Variants in OSBPL10 observed in about 807,000 individuals in gnomAD.
OSBPL10 encodes oxysterol-binding protein-related protein 10.
OSBPL10 carries 49 observed loss-of-function variants against 81.7 expected under a neutral mutation model. The observed-to-expected ratio is 0.60, with a 90% CI of 0.48 to 0.76. The LOEUF is 0.76. Among genes scored for constraint, OSBPL10 ranks in the 30% least tolerant of loss-of-function variants. The pLI is 0.00. For synonymous variants in OSBPL10, 419 were observed against 383.6 expected (o/e 1.09, Z -1.08); for missense variants, 923 against 987.8 (o/e 0.93, Z 0.88).
At chr3:31,982,389 T>C (rs1040850112), upstream of OSBPL10, among the ~76,000 whole-genome samples, 1 of 152,098 alleles carries the variant, frequency 6.6e-6, no homozygotes, top group Non-Finnish European at 1.5e-5. Flanking sequence ...CAAAAGGTGA[T>C]AGATGATAGG....
intron 2 of OSBPL10, among the ~76,000 whole-genome samples, chr3:32,021,642 A>G (rs1358248588): frequency 6.6e-6 from 1 of 152,126 alleles, no homozygotes; most frequent in African/African-American, 2.4e-5. Flanking sequence ...CTTTAGTGAA[A>G]TATCTCTTCA....
Position 31,830,145 on chromosome 3 carries a change from G to A in OSBPL10, c.624C>T (p.Leu208=). The A allele has an allele frequency of 6.2e-7, 1 of 1,614,178 alleles. No homozygotes were observed. Among genetic ancestry groups the A allele is most frequent in the South Asian group, 1.1e-5 (1 of 91,078 alleles). Residue 208 remains leucine, a synonymous_variant, in exon 4 of 12, where the codon CTC becomes CTT. Coordinates refer to ENST00000396556, the MANE Select transcript of OSBPL10 (RefSeq NM_017784.5). Reference sequence around the variant, plus strand: ...TGACAACACCGGGGGCCCCCACACTGAGGTGTCTCTGGCTACAGGGAGACG... The same window carrying A: ...TGACAACACCGGGGGCCCCCACACTAAGGTGTCTCTGGCTACAGGGAGACG... ...NSASPCSQRH[L]SVGAPGVVTI...
intron 1 of OSBPL10, among the ~76,000 whole-genome samples, chr3:31,943,640 A>G (rs1304268221): frequency 2.0e-5 from 3 of 152,152 alleles, no homozygotes; most frequent in African/African-American, 7.2e-5. Flanking sequence ...TCCACTTATC[A>G]TTGTATCAAG....
At chr3:32,074,697 T>C (rs184765025) in intron 1 of OSBPL10, among the ~76,000 whole-genome samples, 158 of 152,308 alleles carry the variant, frequency 1.0e-3, no homozygotes, top group Admixed American at 2.0e-3. Context: ...CTTTCTCATA[T>C]ACCATGAAAA....
At chr3:31,743,669 A>G (rs1307386086) in intron 5 of OSBPL10, among the ~76,000 whole-genome samples, 1 of 140,276 alleles carries the variant, frequency 7.1e-6, no homozygotes, top group Non-Finnish European at 1.6e-5. Context: ...GAAGGAAAAA[A>G]AAACAGTGCA....
At chr3:31,912,627 T>C (rs541015609) in intron 1 of OSBPL10, among the ~76,000 whole-genome samples, 2 of 152,296 alleles carry the variant, frequency 1.3e-5, no homozygotes, top group South Asian at 4.2e-4. Flanking sequence ...CTTGAAGTAT[T>C]TTGAGCATGT....
rs74694138 is a variant in OSBPL10 at position 31,759,777 on chromosome 3, T to C, written c.730-11657A>G. Among the ~76,000 whole-genome samples, 341 of 152,222 alleles carry C rather than the reference T, an allele frequency of 2.2e-3. 2 individuals carry two copies. The highest frequency in any genetic ancestry group is 5.8e-3 in the African/African-American group (242 of 41,534). On this transcript the variant is annotated intron_variant, in intron 4 of 11. Transcript: ENST00000396556. The stretch of plus-strand genomic sequence containing the variant: ...TTTGTTTTTTATTTACTTTTTTTTT[T>C]CCCCAAGAGTCTCACTCTGTCACCC...
intron 4 of OSBPL10, among the ~76,000 whole-genome samples, chr3:31,792,360 T>C (rs1260002428): frequency 2.0e-5 from 3 of 151,724 alleles, no homozygotes; most frequent in South Asian, 2.1e-4. Flanking sequence ...AATTATCGAG[T>C]TGTAAAAAAG....
intron 4 of OSBPL10, among the ~76,000 whole-genome samples, chr3:31,780,324 T>C (rs145790627): frequency 6.6e-6 from 1 of 152,056 alleles, no homozygotes; most frequent in Non-Finnish European, 1.5e-5. Flanking sequence ...ACACAATTTA[T>C]CAAAACTTCT....
intron 2 of OSBPL10, among the ~76,000 whole-genome samples, chr3:32,016,791 T>G (rs1200605731): frequency 6.6e-6 from 1 of 152,122 alleles, no homozygotes; most frequent in Non-Finnish European, 1.5e-5. Context: ...CCAGAGAGTT[T>G]GGAGTGATCT....
intron 1 of OSBPL10, among the ~76,000 whole-genome samples, chr3:31,923,759 C>A (rs1440455953): frequency 1.3e-5 from 2 of 152,094 alleles, no homozygotes; most frequent in African/African-American, 4.8e-5. Context: ...TGCACTCCAG[C>A]CTCAATGACA....
At chr3:32,007,602 T>C (rs1053612246) in intron 2 of OSBPL10, among the ~76,000 whole-genome samples, 2 of 152,278 alleles carry the variant, frequency 1.3e-5, no homozygotes, top group African/African-American at 2.4e-5. Context: ...TTTCTGTATA[T>C]GTCAAAGTTC....
At chr3:31,926,288 T>TTCCC (rs1034706033) in intron 1 of OSBPL10, among the ~76,000 whole-genome samples, 1 of 88,146 alleles carries the variant, frequency 1.1e-5, no homozygotes, top group African/African-American at 4.9e-5. Context: ...TGGGTGATTT[T>TTCCC]GCCCCCCCAG....
chr3:31,852,288 G>A (rs570802070), intron 3 of OSBPL10, among the ~76,000 whole-genome samples: 3 of 152,108 alleles, frequency 2.0e-5, no homozygotes, highest in Non-Finnish European at 4.4e-5. Context: ...TCTGTCAACC[G>A]GCAGTCGGGG....
intron 2 of OSBPL10, among the ~76,000 whole-genome samples, chr3:32,036,868 C>A (rs1699524231): frequency 6.6e-6 from 1 of 151,812 alleles, no homozygotes; most frequent in Non-Finnish European, 1.5e-5. Flanking sequence ...CCTGATGATA[C>A]TCACTCGGCT....
chr3:31,747,910 C>T lies in OSBPL10; in HGVS notation c.940G>A (p.Glu314Lys). Reference sequence around the variant, plus strand: ...ATGGACAAGCCCCCGGGGGTCTTACCCGAGGCTCCTGGCTTCTGGCTGGGC... The same window carrying T: ...ATGGACAAGCCCCCGGGGGTCTTACTCGAGGCTCCTGGCTTCTGGCTGGGC... The part of the protein sequence containing the change: ...GQPSQKPGAS[E>K]NILGWHGSKS... The change falls in exon 5 of 12, where the codon GAA becomes AAA. Residue 314 changes from glutamate (E) to lysine (K), a missense_variant and splice_region_variant. Coordinates refer to ENST00000396556, the MANE Select transcript of OSBPL10 (RefSeq NM_017784.5). 8 of 1,613,150 alleles carry T rather than the reference C, an allele frequency of 5.0e-6. No individual in the cohort carries two copies. Among genetic ancestry groups the T allele is most frequent in the Non-Finnish European group, 5.9e-6 (7 of 1,180,002 alleles).
intron 3 of OSBPL10, among the ~76,000 whole-genome samples, chr3:31,852,352 T>C (rs1575583323): frequency 6.6e-6 from 1 of 152,076 alleles, no homozygotes; most frequent in Admixed American, 6.6e-5. Flanking sequence ...AGTACAGGGA[T>C]GTGCTGAACA....
intron 4 of OSBPL10, among the ~76,000 whole-genome samples, chr3:31,820,443 A>ATGCT (rs1375373869): frequency 6.6e-6 from 1 of 152,010 alleles, no homozygotes; most frequent in Non-Finnish European, 1.5e-5. Context: ...AAAAATAGAA[A>ATGCT]AATTAGCCGG....
chr3:31,999,388 T>G (rs1394450019), intron 2 of OSBPL10, among the ~76,000 whole-genome samples: 3 of 135,996 alleles, frequency 2.2e-5, no homozygotes, highest in African/African-American at 8.9e-5. Flanking sequence ...TGAGACAAGG[T>G]CTCACTCTGT....
Sources: allele counts gnomAD v4.1 joint callset (sites outside exome capture counted in the v4.1 genomes callset), GRCh38; gene constraint gnomAD v4.1.1; transcripts MANE v1.5; gene names NCBI Gene and HGNC (gene_info 2026-07-23, HGNC 2026-07-21).